Variants in COL4A3 observed in about 807,000 individuals in gnomAD.
COL4A3 encodes collagen type IV alpha 3 chain, also known as collagen alpha-3(IV) chain.
A neutral mutation model predicts 217.4 loss-of-function variants in COL4A3; 135 were observed. That is an observed-to-expected ratio of 0.62 (90% CI 0.54 to 0.72). The LOEUF is 0.72. Ranked by LOEUF, COL4A3 falls within the 30% of genes least tolerant of loss-of-function variation. COL4A3 has a pLI of 0.00. For missense variants in COL4A3, 1,868 were observed against 2,119.9 expected, an observed-to-expected ratio of 0.88 and a Z score of 2.33; for synonymous variants, 690 against 736.3, an observed-to-expected ratio of 0.94 and a Z score of 1.02.
chr2:227,284,465 C>T (rs2072197212), intron 34 of COL4A3, 120 bp downstream of exon 34: 1 of 1,136,114 alleles, frequency 8.8e-7, no homozygotes, highest in East Asian at 2.6e-5. Flanking sequence ...TAGTTACCTG[C>T]CCATCACACA....
At chr2:227,277,042 G>A (rs1194900210) in intron 27 of COL4A3, among the ~76,000 whole-genome samples, 2 of 152,110 alleles carry the variant, frequency 1.3e-5, no homozygotes, top group African/African-American at 2.4e-5. Flanking sequence ...TTTCTTGGCC[G>A]GGCACGGTGG....
intron 1 of COL4A3, chr2:227,237,659 T>C (rs1267433481): frequency 1.8e-5 from 5 of 275,142 alleles, no homozygotes; most frequent in Non-Finnish European, 3.6e-5. Context: ...AATTATTAGG[T>C]TGGTACAAAG....
At chr2:227,293,746 C>T (rs1006361187) in intron 38 of COL4A3, 4 of 470,848 alleles carry the variant, frequency 8.5e-6, no homozygotes, top group East Asian at 7.0e-5. Context: ...CTCACAGTTC[C>T]AGCAGCTCCG....
chr2:227,230,068 A>C (rs1160069221), intron 1 of COL4A3, among the ~76,000 whole-genome samples: 5 of 148,940 alleles, frequency 3.4e-5, no homozygotes, highest in Non-Finnish European at 7.5e-5. Flanking sequence ...AAAAAAAAAG[A>C]AATTTCCCAA....
At chr2:227,275,169 C>CTGTTGTTGTTGTTGTTGT (rs200536643) in intron 26 of COL4A3, among the ~76,000 whole-genome samples, 75 of 151,258 alleles carry the variant, frequency 5.0e-4, no homozygotes, top group African/African-American at 1.8e-3. Flanking sequence ...ACCAAATGCT[C>CTGTTGTTGTTGTTGTTGT]TGTTGTTGTT....
At chr2:227,175,612 T>C (rs1376893609) in intron 1 of COL4A3, among the ~76,000 whole-genome samples, 1 of 151,900 alleles carries the variant, frequency 6.6e-6, no homozygotes, top group Non-Finnish European at 1.5e-5. Context: ...TTGCTACAGG[T>C]GAGGTGGGGG....
chr2:227,229,999 C>T (rs1017187364), intron 1 of COL4A3, among the ~76,000 whole-genome samples: 9 of 150,142 alleles, frequency 6.0e-5, no homozygotes, highest in African/African-American at 2.0e-4. Context: ...TGCAGTGAGC[C>T]GAGACCGTGC....
chr2:227,285,245 A>G (rs2072240077), intron 34 of COL4A3, among the ~76,000 whole-genome samples: 1 of 142,336 alleles, frequency 7.0e-6, no homozygotes, highest in South Asian at 2.3e-4. Context: ...GCACATGAGG[A>G]TGTAACAAAC....
chr2:227,294,747 G>A (rs2072947913), intron 39 of COL4A3, among the ~76,000 whole-genome samples, 177 bp downstream of exon 39: 1 of 152,078 alleles, frequency 6.6e-6, no homozygotes, highest in Non-Finnish European at 1.5e-5. Context: ...TCAAATATTT[G>A]GCAACCTATT....
intron 20 of COL4A3, 75 bp from the exon 21 acceptor site, chr2:227,263,705 C>A: frequency 7.2e-7 from 1 of 1,393,316 alleles, no homozygotes; most frequent in Non-Finnish European, 9.9e-7. Context: ...AATTAAATCA[C>A]TCTTGCAATT....
chr2:227,291,785 T>C (rs2106218782), intron 37 of COL4A3, among the ~76,000 whole-genome samples: 1 of 152,298 alleles, frequency 6.6e-6, no homozygotes, highest in African/African-American at 2.4e-5. Context: ...CTTTGTCAAA[T>C]TGAGGTTGGA....
chr2:227,214,189 C>A (rs2067438808), intron 1 of COL4A3, among the ~76,000 whole-genome samples: 2 of 152,094 alleles, frequency 1.3e-5, no homozygotes, highest in Non-Finnish European at 2.9e-5. Flanking sequence ...CAAAAATTCT[C>A]AGTAATTTGA....
chr2:227,310,916 G>T lies in COL4A3; in HGVS notation c.4896G>T (p.Trp1632Cys). 1 of 1,613,938 alleles carries T rather than the reference G, an allele frequency of 6.2e-7. No homozygotes were observed. Among genetic ancestry groups the T allele is most frequent in the South Asian group, 1.1e-5 (1 of 91,074 alleles). The change falls in exon 51 of 52, where the codon TGG (tryptophan) becomes TGT (cysteine). Residue 1632 changes from tryptophan to cysteine, a missense_variant. Physicochemically the swap from Trp to Cys is radical, Grantham distance 215. Transcript: ENST00000396578. The stretch of plus-strand genomic sequence containing the variant: ...ACTATTCAAATTCCTACAGTTTCTG[G>T]CTGGCTTCATTAAACCCAGAAAGAA... ...CNYYSNSYSFWLASLNPERMF... is the reference protein window; with the variant it reads ...CNYYSNSYSFCLASLNPERMF...
At chr2:227,302,497 C>T (rs139111670) in intron 43 of COL4A3, among the ~76,000 whole-genome samples, 8,685 of 151,618 alleles carry the variant, frequency 0.057, 336 homozygotes, top group African/African-American at 0.098. Flanking sequence ...GCCAACATGG[C>T]GAAACCCTGT....
At chr2:227,172,581 C>CTTTTTTTTTTTTTTTTTTTTT (rs11315628) in intron 1 of COL4A3, among the ~76,000 whole-genome samples, 1 of 73,594 alleles carries the variant, frequency 1.4e-5, no homozygotes, top group Non-Finnish European at 2.4e-5. Flanking sequence ...TCGTCTTCTT[C>CTTTTTTTTTTTTTTTTTTTTT]TTTTTTTTTT....
At chr2:227,291,063 G>C in intron 37 of COL4A3, 177 bp downstream of exon 37, 2 of 710,004 alleles carry the variant, frequency 2.8e-6, no homozygotes, top group South Asian at 1.8e-5. Flanking sequence ...GTCTGTCACA[G>C]AGCTGTCAAC....
At chr2:227,175,154 A>G (rs983596671) in intron 1 of COL4A3, among the ~76,000 whole-genome samples, 1 of 152,104 alleles carries the variant, frequency 6.6e-6, no homozygotes, top group African/African-American at 2.4e-5. Context: ...CACACTACCA[A>G]TTTTACCACT....
In COL4A3 at chr2:227,254,641, C is replaced by T. The variant is rs201021733; in HGVS notation, c.829-15C>T. On this transcript the variant is annotated splice_polypyrimidine_tract_variant and intron_variant, in intron 14 of 51. Transcript: ENST00000396578. ...CAGTAATTCATAAAATTTGACATGG[C>T]TCTAATTAATACAGGGACTGCCTGG... The T allele has an allele frequency of 4.7e-4, 758 of 1,596,012 alleles. 1 individual carries two copies. Among genetic ancestry groups the T allele is most frequent in the Non-Finnish European group, 5.7e-4 (663 of 1,163,720 alleles).
intron 22 of COL4A3, 72 bp downstream of exon 22, chr2:227,266,581 CT>C: frequency 2.5e-6 from 3 of 1,209,288 alleles, no homozygotes; most frequent in Non-Finnish European, 3.6e-6. Context: ...ATTTTTCCCC[CT>C]GAGATAACAA....
Sources: allele counts gnomAD v4.1 joint callset (sites outside exome capture counted in the v4.1 genomes callset), GRCh38; gene constraint gnomAD v4.1.1; transcripts MANE v1.5; gene names NCBI Gene and HGNC (gene_info 2026-07-23, HGNC 2026-07-21).